RAB6A: variants seen among roughly 807,000 people sequenced by gnomAD.
RAB6A encodes the protein ras-related protein Rab-6A.
Under a neutral mutation model 32.3 loss-of-function variants are expected in RAB6A, and 8 were observed. The ratio of observed to expected loss-of-function variants is 0.25; its 90% CI spans 0.15 to 0.45. The LOEUF (loss-of-function observed/expected upper bound fraction) is 0.45. RAB6A is among the 20% of genes least tolerant of loss of function. The pLI is 1.00. For synonymous variants in RAB6A, 73 were observed against 82.1 expected (o/e 0.89, Z 0.60); for missense variants, 104 against 249.4 (o/e 0.42, Z 3.93).
At chr11:73,734,189 G>C (rs368232361) in intron 1 of RAB6A, among the ~76,000 whole-genome samples, 2 of 152,078 alleles carry the variant, frequency 1.3e-5, no homozygotes, top group African/African-American at 4.8e-5. Flanking sequence ...GCAGTGACAC[G>C]ATATCAGCTC....
intron 1 of RAB6A, among the ~76,000 whole-genome samples, chr11:73,754,112 G>C (rs1270519980): frequency 2.6e-5 from 4 of 152,206 alleles, no homozygotes; most frequent in Admixed American, 1.3e-4. Flanking sequence ...GACATGTTGA[G>C]TAATCTGCCA....
intron 1 of RAB6A, among the ~76,000 whole-genome samples, chr11:73,748,954 G>A (rs1453519119): frequency 6.6e-6 from 1 of 151,746 alleles, no homozygotes. Flanking sequence ...ATGACACCCC[G>A]TCTCTACTAA....
chr11:73,739,263 T>TTAAAAAAAAAAAA (rs1555066890), intron 1 of RAB6A, among the ~76,000 whole-genome samples: 8 of 9,384 alleles, frequency 8.5e-4, no homozygotes, highest in Admixed American at 2.3e-3. Context: ...TAATAATAAT[T>TTAAAAAAAAAAAA]AAAAAAAAAA....
At chr11:73,744,480 CA>C (rs1160080298) in intron 1 of RAB6A, among the ~76,000 whole-genome samples, 1 of 126,972 alleles carries the variant, frequency 7.9e-6, no homozygotes, top group African/African-American at 3.0e-5. Context: ...CACTGCACTC[CA>C]GCCTGGGCAA....
intron 6 of RAB6A, among the ~76,000 whole-genome samples, chr11:73,681,640 C>G (rs1324372987): frequency 1.3e-5 from 2 of 152,168 alleles, no homozygotes; most frequent in East Asian, 3.8e-4. Flanking sequence ...GAAACCCCGT[C>G]TCTACTAAGA....
chr11:73,686,337 T>A (rs370997106), intron 6 of RAB6A, among the ~76,000 whole-genome samples: 1 of 152,102 alleles, frequency 6.6e-6, no homozygotes, highest in African/African-American at 2.4e-5. Context: ...GGGGGGATCA[T>A]TTGAGGTCAG....
chr11:73,719,449 C>A (rs915913534), intron 3 of RAB6A, among the ~76,000 whole-genome samples: 17 of 152,136 alleles, frequency 1.1e-4, no homozygotes, highest in African/African-American at 4.1e-4. Context: ...TGTGCGCGCA[C>A]GCATGCACGC....
At chr11:73,705,209 A>C (rs1201705268) in intron 6 of RAB6A, among the ~76,000 whole-genome samples, 1 of 152,096 alleles carries the variant, frequency 6.6e-6, no homozygotes, top group African/African-American at 2.4e-5. Context: ...AGCCTGTACC[A>C]GGATATATAA....
chr11:73,717,490 G>T (rs1459710378), intron 4 of RAB6A, among the ~76,000 whole-genome samples: 1 of 152,192 alleles, frequency 6.6e-6, no homozygotes, highest in Non-Finnish European at 1.5e-5. Context: ...TGTTGCCCAG[G>T]CTGGAGTGCA....
At chr11:73,750,728 G>A (rs1946659211) in intron 1 of RAB6A, among the ~76,000 whole-genome samples, 1 of 152,148 alleles carries the variant, frequency 6.6e-6, no homozygotes, top group South Asian at 2.1e-4. Flanking sequence ...TAATTCATCT[G>A]TGGATGGATA....
At chr11:73,738,711 G>A (rs1329899258) in intron 1 of RAB6A, among the ~76,000 whole-genome samples, 3 of 152,124 alleles carry the variant, frequency 2.0e-5, no homozygotes, top group Admixed American at 1.3e-4. Context: ...TTGGTAGGCC[G>A]AGGCAGGCAG....
chr11:73,698,515 T>A (rs1205457698), intron 6 of RAB6A, among the ~76,000 whole-genome samples: 1 of 152,234 alleles, frequency 6.6e-6, no homozygotes, highest in Non-Finnish European at 1.5e-5. Flanking sequence ...ATCTAGCAGA[T>A]AGTATTTAGG....
chr11:73,741,084 T>G (rs1163741121), intron 1 of RAB6A, among the ~76,000 whole-genome samples: 1 of 152,012 alleles, frequency 6.6e-6, no homozygotes, highest in Non-Finnish European at 1.5e-5. Context: ...CATGATGAAA[T>G]AGAGACATCC....
At chr11:73,678,322 T>C (rs1016754237) in intron 7 of RAB6A, among the ~76,000 whole-genome samples, 47 of 152,206 alleles carry the variant, frequency 3.1e-4, no homozygotes, top group African/African-American at 1.1e-3. Flanking sequence ...ATTTAGTAAA[T>C]AATGGGACTT....
intron 6 of RAB6A, among the ~76,000 whole-genome samples, chr11:73,704,691 AT>A (rs1319451233): frequency 6.6e-6 from 1 of 151,136 alleles, no homozygotes; most frequent in Admixed American, 6.6e-5. Flanking sequence ...CTCAAAAAAA[AT>A]AAATAAATAA....
intron 2 of RAB6A, among the ~76,000 whole-genome samples, chr11:73,726,156 G>A (rs1042826842): frequency 1.3e-4 from 20 of 151,810 alleles, no homozygotes; most frequent in African/African-American, 4.6e-4. Flanking sequence ...GTGGTGGTGC[G>A]CATGTGTAGT....
intron 6 of RAB6A, among the ~76,000 whole-genome samples, chr11:73,704,997 AAAATAAATAAT>A (rs779253200): frequency 1.6e-4 from 24 of 151,808 alleles, no homozygotes; most frequent in Non-Finnish European, 3.1e-4. Flanking sequence ...CTCCATCTCG[AAAATAAATAAT>A]AAATAAATAA....
intron 1 of RAB6A, among the ~76,000 whole-genome samples, chr11:73,739,280 A>ATATATATATATAT (rs1389085059): frequency 3.3e-4 from 6 of 18,418 alleles, no homozygotes; most frequent in African/African-American, 7.1e-4. Context: ...AAAAAAAAAA[A>ATATATATATATAT]AAAAATATAT....
At chr11:73,718,739 ACAAG>A (rs771977688) in intron 3 of RAB6A, 21 bp from the exon 4 acceptor site, 4 of 1,613,842 alleles carry the variant, frequency 2.5e-6, no homozygotes. Flanking sequence ...AATCAGTCAA[ACAAG>A]CAAGAAAAAT....
Sources: allele counts gnomAD v4.1 joint callset (sites outside exome capture counted in the v4.1 genomes callset), GRCh38; gene constraint gnomAD v4.1.1; transcripts MANE v1.5; gene names NCBI Gene and HGNC (gene_info 2026-07-23, HGNC 2026-07-21).